ACKR3: variants seen among roughly 807,000 people sequenced by gnomAD.
ACKR3 encodes C-X-C chemokine receptor type 7.
ACKR3 carries 6 observed loss-of-function variants against 22.4 expected under a neutral mutation model. The ratio of observed to expected loss-of-function variants is 0.27; its 90% CI spans 0.15 to 0.53. The LOEUF is 0.53. ACKR3 is among the 20% of genes least tolerant of loss of function. ACKR3 has a pLI of 0.96. For missense variants in ACKR3, 396 were observed against 475.2 expected, an observed-to-expected ratio of 0.83 and a Z score of 1.55; for synonymous variants, 209 against 205.2, an observed-to-expected ratio of 1.02 and a Z score of -0.16.
chr2:236,553,058 A>C, the ACKR3 span, among the ~76,000 whole-genome samples: 1 of 152,212 alleles, frequency 6.6e-6, no homozygotes, highest in South Asian at 2.1e-4. Flanking sequence ...CTTTTCTTAC[A>C]GGACTACCCT....
Position 236,574,008 on chromosome 2 carries a change from G to C in ACKR3, c.-27+4084G>C, listed in dbSNP as rs561767568. Among the ~76,000 whole-genome samples the C allele has an allele frequency of 1.3e-5, 2 of 152,118 alleles. No homozygotes were observed. Among genetic ancestry groups the C allele is most frequent in the African/African-American group, 4.8e-5 (2 of 41,512 alleles). On this transcript the variant is annotated intron_variant, in intron 1 of 1. Transcript: ENST00000272928. This position sits in a 1 kb window ranked among gnomAD's most constrained non-coding sequence, Gnocchi z 5.6. ...TTGAAGTCCCCCATAAGCCACCAGA[G>C]TAGAAACCCCTCATTTTCCTGCTGA...
At chr2:236,567,760 G>C (rs1049940650), upstream of ACKR3, 2 of 152,384 alleles carry the variant, frequency 1.3e-5, no homozygotes, top group African/African-American at 4.8e-5. Context: ...ACTAGGGGAC[G>C]GGTGGGGGAC....
At chr2:236,562,189 T>A in the ACKR3 span, among the ~76,000 whole-genome samples, 1 of 152,230 alleles carries the variant, frequency 6.6e-6, no homozygotes, top group Non-Finnish European at 1.5e-5. Flanking sequence ...TTAGTGCACG[T>A]GAAGTTGTTA....
At chr2:236,537,453 A>G in the ACKR3 span, among the ~76,000 whole-genome samples, 1 of 152,142 alleles carries the variant, frequency 6.6e-6, no homozygotes, top group Non-Finnish European at 1.5e-5. Context: ...GTATGGGCCC[A>G]TGGGTGCATA....
rs1691391275 is a variant in ACKR3 at position 236,575,477 on chromosome 2, C to CGTGTGTCGGGTTGTGCTGTGTGTGT, written c.-26-4956_-26-4955insGGGTTGTGCTGTGTGTGTGTGTGTC. 4.6e-5 allele frequency among the ~76,000 whole-genome samples: 3 copies of CGTGTGTCGGGTTGTGCTGTGTGTGT among 65,284 alleles called. 1 individual carries two copies. Among genetic ancestry groups the CGTGTGTCGGGTTGTGCTGTGTGTGT allele is most frequent in the African/African-American group, 1.9e-4 (3 of 16,068 alleles). The allele number at this position is 65,284 out of a possible 152,430, so 42.8% of individuals were successfully genotyped here. On this transcript the variant is annotated intron_variant, in intron 1 of 1. Coordinates refer to ENST00000272928, the MANE Select transcript of ACKR3 (RefSeq NM_020311.3). ...TGTGTCTGGGGTTGTGCTGTGTGTG[C>CGTGTGTCGGGTTGTGCTGTGTGTGT]GTGTGTCTGGGGTTGTGCTGTGTGT...
Position 236,577,730 on chromosome 2 carries a change from C to T in ACKR3, c.-26-2710C>T, listed in dbSNP as rs556120999. Among the ~76,000 whole-genome samples, 44 of 152,290 alleles carry T rather than the reference C, an allele frequency of 2.9e-4. No homozygotes were observed. The South Asian group carries it at 7.2e-3, about 25-fold the overall frequency. ...GTGGGGGAGAGAGGTGGGGCGGATTCGGGATCCAAGTTCGGGCGAACAAAG... is the reference window on the plus strand; with the variant it reads ...GTGGGGGAGAGAGGTGGGGCGGATTTGGGATCCAAGTTCGGGCGAACAAAG... On this transcript the variant is annotated intron_variant, in intron 1 of 1. Coordinates refer to ENST00000272928, the MANE Select transcript of ACKR3 (RefSeq NM_020311.3). The surrounding 1 kb of genome is among the most constrained non-coding windows in gnomAD (Gnocchi z 5.6).
At chr2:236,575,117 C>T (rs959496878) in intron 1 of ACKR3, among the ~76,000 whole-genome samples, 1 of 152,046 alleles carries the variant, frequency 6.6e-6, no homozygotes, top group Non-Finnish European at 1.5e-5. Context: ...TCTCTGTGGT[C>T]CAGGAAAATG....
At chr2:236,551,738 A>G in the ACKR3 span, among the ~76,000 whole-genome samples, 1 of 152,170 alleles carries the variant, frequency 6.6e-6, no homozygotes, top group Admixed American at 6.5e-5. Flanking sequence ...TCTCCTTTTC[A>G]GTGTGAACCA....
At chr2:236,559,639 G>C in the ACKR3 span, among the ~76,000 whole-genome samples, 1 of 152,112 alleles carries the variant, frequency 6.6e-6, no homozygotes, top group Non-Finnish European at 1.5e-5. Context: ...GATCTTAACT[G>C]TACAGTTGAT....
chr2:236,561,785 C>G, the ACKR3 span, among the ~76,000 whole-genome samples: 2 of 152,228 alleles, frequency 1.3e-5, no homozygotes, highest in Non-Finnish European at 2.9e-5. Flanking sequence ...AGCCACTGCA[C>G]CTGGCCGCAT....
the ACKR3 span, among the ~76,000 whole-genome samples, chr2:236,554,490 A>G: frequency 6.6e-6 from 1 of 152,182 alleles, no homozygotes; most frequent in Non-Finnish European, 1.5e-5. Flanking sequence ...AGGAGCAGTC[A>G]TGACCCCTAG....
chr2:236,573,475 C>T (rs74473509), intron 1 of ACKR3, among the ~76,000 whole-genome samples: 14,054 of 152,188 alleles, frequency 0.092, 754 homozygotes, highest in African/African-American at 0.15. Context: ...GGTGTGCAAA[C>T]AGTGAGGGCC....
chr2:236,578,262 C>T (rs889579282), intron 1 of ACKR3, among the ~76,000 whole-genome samples: 5 of 152,226 alleles, frequency 3.3e-5, no homozygotes, highest in Admixed American at 1.3e-4. Context: ...GCTGGGCCTA[C>T]GTCCTTTTGG....
At chr2:236,556,636 A>G in the ACKR3 span, among the ~76,000 whole-genome samples, 1 of 152,248 alleles carries the variant, frequency 6.6e-6, no homozygotes, top group Non-Finnish European at 1.5e-5. Context: ...CCCTGCTGGC[A>G]CATTGATCTC....
At chr2:236,540,997 A>T in the ACKR3 span, among the ~76,000 whole-genome samples, 1 of 152,212 alleles carries the variant, frequency 6.6e-6, no homozygotes, top group Non-Finnish European at 1.5e-5. Flanking sequence ...CTTACTGCAC[A>T]GCTCCTTGCT....
chr2:236,550,012 G>A, the ACKR3 span, among the ~76,000 whole-genome samples: 1 of 152,210 alleles, frequency 6.6e-6, no homozygotes, highest in Admixed American at 6.5e-5. The surrounding 1 kb of genome is among the most constrained non-coding windows in gnomAD (Gnocchi z 4.6). Context: ...TGTGGGCAGG[G>A]CACTGTCTGC....
chr2:236,575,191 A>T (rs1303593848), intron 1 of ACKR3, among the ~76,000 whole-genome samples: 1 of 152,104 alleles, frequency 6.6e-6, no homozygotes, highest in Non-Finnish European at 1.5e-5. Flanking sequence ...ATAATTCTTG[A>T]TGTCAAATTT....
At chr2:236,539,370 T>C in the ACKR3 span, among the ~76,000 whole-genome samples, 1 of 148,980 alleles carries the variant, frequency 6.7e-6, no homozygotes, top group Non-Finnish European at 1.5e-5. Context: ...TGGAGTGCAG[T>C]GGTGCGATCT....
intron 1 of ACKR3, among the ~76,000 whole-genome samples, chr2:236,573,673 C>T (rs1307601760): frequency 2.0e-5 from 3 of 152,204 alleles, no homozygotes; most frequent in African/African-American, 7.2e-5. Context: ...CTTATCTATA[C>T]CACTGTAGAG....
Sources: allele counts gnomAD v4.1 joint callset (sites outside exome capture counted in the v4.1 genomes callset), GRCh38; gene constraint gnomAD v4.1.1; non-coding constraint Gnocchi (gnomAD v3.1); transcripts MANE v1.5; gene names NCBI Gene and HGNC (gene_info 2026-07-23, HGNC 2026-07-21).